Variants in ARK2C observed in about 807,000 individuals in gnomAD.
ARK2C encodes arkadia (RNF111) C-terminal like ring finger ubiquitin ligase 2C.
the ARK2C span, among the ~76,000 whole-genome samples, chr18:46,356,884 T>G: frequency 6.6e-6 from 1 of 152,138 alleles, no homozygotes. Flanking sequence ...CTCCAGAGGT[T>G]AAAAGGCTTC....
chr18:46,407,302 C>A, the ARK2C span, among the ~76,000 whole-genome samples: 1 of 152,166 alleles, frequency 6.6e-6, no homozygotes. Context: ...TAAGATTCTT[C>A]TTCTCCTCCT....
the ARK2C span, among the ~76,000 whole-genome samples, chr18:46,377,010 C>A: frequency 1.1e-4 from 17 of 152,042 alleles, no homozygotes; most frequent in Admixed American, 7.2e-4. Flanking sequence ...GTCAAAGATG[C>A]AAAACCCAGC....
chr18:46,462,374 ATCACTGCCTTTACCTGG>A, the ARK2C span: 1 of 152,604 alleles, frequency 6.6e-6, no homozygotes, highest in Non-Finnish European at 1.5e-5. Flanking sequence ...CCCTCTTTAC[ATCACTGCCTTTACCTGG>A]TGGGGATGAG....
the ARK2C span, among the ~76,000 whole-genome samples, chr18:46,344,112 C>A: frequency 4.6e-5 from 7 of 152,330 alleles, no homozygotes; most frequent in Non-Finnish European, 2.9e-5. Flanking sequence ...CCTCCCCTGA[C>A]GACACTGTAT....
At chr18:46,376,957 A>C in the ARK2C span, among the ~76,000 whole-genome samples, 1 of 152,232 alleles carries the variant, frequency 6.6e-6, no homozygotes, top group East Asian at 1.9e-4. Flanking sequence ...CGTAAGCCAC[A>C]GGGCCCGGCC....
the ARK2C span, among the ~76,000 whole-genome samples, chr18:46,427,762 G>A: frequency 6.6e-6 from 1 of 152,206 alleles, no homozygotes; most frequent in East Asian, 1.9e-4. Flanking sequence ...GCAAAGACAC[G>A]AAGCCCAGCC....
the ARK2C span, among the ~76,000 whole-genome samples, chr18:46,339,884 A>G: frequency 1.3e-5 from 2 of 152,178 alleles, no homozygotes; most frequent in African/African-American, 2.4e-5. Flanking sequence ...CTCCTGCCCC[A>G]CCCTGTCCTT....
At chr18:46,356,928 C>T in the ARK2C span, among the ~76,000 whole-genome samples, 37 of 152,278 alleles carry the variant, frequency 2.4e-4, no homozygotes, top group East Asian at 5.6e-3. Context: ...GCTGGAAAGG[C>T]GTGATCTGTG....
At chr18:46,430,155 A>AT in the ARK2C span, among the ~76,000 whole-genome samples, 2 of 151,850 alleles carry the variant, frequency 1.3e-5, no homozygotes, top group African/African-American at 2.4e-5. Context: ...GAGAAGGTTA[A>AT]TTTTTTTTGA....
At chr18:46,447,486 G>A in the ARK2C span, 2 of 1,540,942 alleles carry the variant, frequency 1.3e-6, no homozygotes, top group South Asian at 2.3e-5. Context: ...TACTCCATAG[G>A]CTTGATGTCT....
the ARK2C span, among the ~76,000 whole-genome samples, chr18:46,454,024 G>A: frequency 7.1e-6 from 1 of 140,686 alleles, no homozygotes; most frequent in East Asian, 2.3e-4. Context: ...GAGGTGGGAG[G>A]ATTGCTTAAG....
the ARK2C span, among the ~76,000 whole-genome samples, chr18:46,399,859 C>G: frequency 6.6e-6 from 1 of 152,192 alleles, no homozygotes; most frequent in Admixed American, 6.5e-5. Context: ...CTGATTTTCT[C>G]TCTAATTCCC....
the ARK2C span, chr18:46,459,694 G>A: frequency 6.5e-6 from 1 of 152,984 alleles, no homozygotes; most frequent in Non-Finnish European, 1.5e-5. Flanking sequence ...AGCTGTTTGG[G>A]GGACAAGAGA....
the ARK2C span, among the ~76,000 whole-genome samples, chr18:46,411,590 T>A: frequency 1.3e-5 from 2 of 152,204 alleles, no homozygotes; most frequent in Non-Finnish European, 2.9e-5. Context: ...GAGTTGATAT[T>A]CTATATGTGT....
At chr18:46,359,676 G>C in the ARK2C span, among the ~76,000 whole-genome samples, 1 of 152,190 alleles carries the variant, frequency 6.6e-6, no homozygotes, top group Non-Finnish European at 1.5e-5. Flanking sequence ...AAGAGGTCTG[G>C]AGGTAGCAAT....
the ARK2C span, chr18:46,335,942 T>C: frequency 1.0e-6 from 1 of 985,448 alleles, no homozygotes; most frequent in Non-Finnish European, 1.2e-6. Flanking sequence ...TGCCTCCGCA[T>C]TTAGCTGTAT....
chr18:46,359,169 C>T, the ARK2C span, among the ~76,000 whole-genome samples: 26 of 152,340 alleles, frequency 1.7e-4, 1 homozygote, highest in South Asian at 5.4e-3. Context: ...TTCAGTCTGA[C>T]AATCTGAGTT....
chr18:46,334,413 C>A, the ARK2C span: 2 of 1,336,188 alleles, frequency 1.5e-6, no homozygotes, highest in Admixed American at 2.3e-5. This position sits in a 1 kb window ranked among gnomAD's most constrained non-coding sequence, Gnocchi z 4.4. Context: ...GCGCCGCGGG[C>A]GGCCGGGGGC....
the ARK2C span, among the ~76,000 whole-genome samples, chr18:46,354,058 A>G: frequency 6.6e-6 from 1 of 152,200 alleles, no homozygotes; most frequent in Admixed American, 6.5e-5. Flanking sequence ...ACTCTAAACC[A>G]GGAAGGCAGG....
Sources: allele counts gnomAD v4.1 joint callset (sites outside exome capture counted in the v4.1 genomes callset), GRCh38; gene constraint gnomAD v4.1.1; non-coding constraint Gnocchi (gnomAD v3.1); transcripts MANE v1.5; gene names NCBI Gene and HGNC (gene_info 2026-07-23, HGNC 2026-07-21).